PTPRD: variants seen among roughly 807,000 people sequenced by gnomAD.
PTPRD encodes protein tyrosine phosphatase receptor type D.
Under a neutral mutation model 214.5 loss-of-function variants are expected in PTPRD, and 34 were observed. The ratio of observed to expected loss-of-function variants is 0.16; its 90% CI spans 0.12 to 0.21. The LOEUF is 0.21. PTPRD is among the 10% of genes least tolerant of loss of function. The pLI is 1.00. For missense variants in PTPRD, 2,545 were observed against 2,398.7 expected (o/e 1.06, Z -1.27); for synonymous variants, 1,128 against 845.7 (o/e 1.33, Z -5.79).
chr9:8,446,394 T>A (rs767252141), intron 34 of PTPRD, among the ~76,000 whole-genome samples: 1 of 152,210 alleles, frequency 6.6e-6, no homozygotes, highest in Non-Finnish European at 1.5e-5. Flanking sequence ...GTAGAATTTA[T>A]AGAATCACTG....
intron 7 of PTPRD, among the ~76,000 whole-genome samples, chr9:9,702,136 G>A (rs991227211): frequency 6.6e-6 from 1 of 151,914 alleles, no homozygotes; most frequent in South Asian, 2.1e-4. Context: ...AAGAGAGAGA[G>A]AGAGAGAAAG....
intron 2 of PTPRD, among the ~76,000 whole-genome samples, chr9:10,507,457 T>C (rs1432616049): frequency 6.6e-6 from 1 of 152,028 alleles, no homozygotes; most frequent in Non-Finnish European, 1.5e-5. Flanking sequence ...ACTTTAAAGA[T>C]CATATGGAAC....
At chr9:9,722,138 T>A (rs2097962314) in intron 7 of PTPRD, among the ~76,000 whole-genome samples, 1 of 151,996 alleles carries the variant, frequency 6.6e-6, no homozygotes, top group Non-Finnish European at 1.5e-5. Flanking sequence ...AATTCAGCAG[T>A]TTTTTTGTTA....
At chr9:10,386,554 C>A (rs188064121) in intron 2 of PTPRD, among the ~76,000 whole-genome samples, 1 of 151,794 alleles carries the variant, frequency 6.6e-6, no homozygotes, top group Admixed American at 6.6e-5. Context: ...GGGAAAGACA[C>A]TTTTCTGTCT....
chr9:9,832,256 C>G (rs923200891), intron 5 of PTPRD, among the ~76,000 whole-genome samples: 2 of 151,896 alleles, frequency 1.3e-5, no homozygotes, highest in African/African-American at 4.8e-5. Flanking sequence ...GAAAGAGTAT[C>G]TACAATGAAG....
At chr9:9,749,827 C>T (rs1198471587) in intron 6 of PTPRD, among the ~76,000 whole-genome samples, 1 of 152,104 alleles carries the variant, frequency 6.6e-6, no homozygotes, top group South Asian at 2.1e-4. Flanking sequence ...CTTTCCTCCC[C>T]TCATCCATTA....
intron 10 of PTPRD, among the ~76,000 whole-genome samples, chr9:9,089,781 A>G (rs948952581): frequency 1.3e-5 from 2 of 152,206 alleles, no homozygotes; most frequent in South Asian, 4.1e-4. Flanking sequence ...AGTTTTGTGA[A>G]GGTTTCCAAA....
intron 3 of PTPRD, among the ~76,000 whole-genome samples, chr9:10,050,901 G>A (rs1467458694): frequency 6.6e-6 from 1 of 151,970 alleles, no homozygotes; most frequent in East Asian, 1.9e-4. Context: ...AAAATCAAAT[G>A]TTGATTCACT....
At chr9:9,747,984 G>A (rs2098475352) in intron 6 of PTPRD, among the ~76,000 whole-genome samples, 1 of 152,142 alleles carries the variant, frequency 6.6e-6, no homozygotes, top group Admixed American at 6.5e-5. Flanking sequence ...TTGTGATTAA[G>A]CTTATGACAG....
Position 9,844,298 on chromosome 9 carries a change from T to G in PTPRD, c.-367-77447A>C, listed in dbSNP as rs113589166. On this transcript the variant is annotated intron_variant, in intron 5 of 45. Transcript: ENST00000381196. ...ATCCATCATCACCCATGCTGTACAT[T>G]AGATCATAATGCCACTAGACATCAT... Among the ~76,000 whole-genome samples the G allele has an allele frequency of 4.1e-3, 627 of 152,058 alleles. 4 individuals carry two copies. Among genetic ancestry groups the G allele is most frequent in the African/African-American group, 0.014 (561 of 41,540 alleles).
chr9:9,036,858 C>A (rs1306922622), intron 10 of PTPRD, among the ~76,000 whole-genome samples: 1 of 152,124 alleles, frequency 6.6e-6, no homozygotes, highest in Non-Finnish European at 1.5e-5. Flanking sequence ...CAAGTTTTGA[C>A]AGGAACAAAG....
intron 3 of PTPRD, among the ~76,000 whole-genome samples, chr9:10,254,840 C>T (rs1018441372): frequency 6.6e-6 from 1 of 152,108 alleles, no homozygotes; most frequent in African/African-American, 2.4e-5. Flanking sequence ...GCCTGTCTCC[C>T]AGGAGACTCA....
chr9:10,585,010 A>T (rs1248750117), intron 2 of PTPRD, among the ~76,000 whole-genome samples: 1 of 152,156 alleles, frequency 6.6e-6, no homozygotes, highest in African/African-American at 2.4e-5. Flanking sequence ...TGATGATGAC[A>T]TAAAGTGCCA....
chr9:8,948,021 CT>C (rs34611971), intron 11 of PTPRD, among the ~76,000 whole-genome samples: 86,179 of 119,216 alleles, frequency 0.72, 30,287 homozygotes, highest in Non-Finnish European at 0.76. Flanking sequence ...CTCTCTCTCT[CT>C]TTTTTTTTTT....
At chr9:9,296,299 T>G (rs1953015519) in intron 9 of PTPRD, among the ~76,000 whole-genome samples, 1 of 151,760 alleles carries the variant, frequency 6.6e-6, no homozygotes, top group South Asian at 2.1e-4. Flanking sequence ...GACCTTTAAT[T>G]ACTGTACTGT....
chr9:9,377,882 A>G (rs1046761684), intron 9 of PTPRD, among the ~76,000 whole-genome samples: 1 of 152,008 alleles, frequency 6.6e-6, no homozygotes, highest in African/African-American at 2.4e-5. Flanking sequence ...CACCTCTTCT[A>G]GAAGATTTTT....
At chr9:9,580,272 T>C (rs980975794) in intron 7 of PTPRD, among the ~76,000 whole-genome samples, 3 of 152,258 alleles carry the variant, frequency 2.0e-5, no homozygotes, top group South Asian at 4.1e-4. Flanking sequence ...CTTAGTTCTT[T>C]GAGAAATCTC....
chr9:8,830,641 G>A (rs1261417666), intron 11 of PTPRD, among the ~76,000 whole-genome samples: 1 of 152,140 alleles, frequency 6.6e-6, no homozygotes, highest in African/African-American at 2.4e-5. Context: ...ACCCTATCAT[G>A]AGGGGGCATG....
intron 9 of PTPRD, among the ~76,000 whole-genome samples, chr9:9,192,058 G>A (rs1036151792): frequency 1.3e-5 from 2 of 151,974 alleles, no homozygotes; most frequent in Admixed American, 6.6e-5. Context: ...TCAAAGGAGT[G>A]CAGGGACAGT....
Sources: gnomAD v4.1 joint callset for allele counts (sites outside exome capture counted in the v4.1 genomes callset) on GRCh38, gnomAD v4.1.1 for gene constraint, MANE v1.5 for transcripts, NCBI Gene and HGNC (gene_info 2026-07-23, HGNC 2026-07-21) for gene names.